Variants in NWD2 observed in about 807,000 individuals in gnomAD.
NWD2 encodes NACHT and WD repeat domain containing 2.
Under a neutral mutation model 132.7 loss-of-function variants are expected in NWD2, and 37 were observed. That is an observed-to-expected ratio of 0.28 (90% CI 0.21 to 0.37). The LOEUF is 0.37. Ranked by LOEUF, NWD2 falls within the 10% of genes least tolerant of loss-of-function variation. NWD2 has a pLI of 1.00. For synonymous variants in NWD2, 705 were observed against 803.0 expected (o/e 0.88, Z 2.06); for missense variants, 1,592 against 2,122.4 (o/e 0.75, Z 4.91).
At chr4:37,366,207 A>G (rs1169340446) in intron 3 of NWD2, among the ~76,000 whole-genome samples, 1 of 152,164 alleles carries the variant, frequency 6.6e-6, no homozygotes, top group Non-Finnish European at 1.5e-5. Context: ...CTCCAATAAT[A>G]TCTTGGTGTA....
At chr4:37,429,537 A>G (rs1393712368) in intron 3 of NWD2, among the ~76,000 whole-genome samples, 3 of 151,972 alleles carry the variant, frequency 2.0e-5, no homozygotes, top group African/African-American at 7.3e-5. Context: ...GCTGGTCTTG[A>G]GCTCCTGGCC....
chr4:37,311,057 A>C (rs1718831148), intron 1 of NWD2, among the ~76,000 whole-genome samples: 1 of 151,948 alleles, frequency 6.6e-6, no homozygotes, highest in African/African-American at 2.4e-5. Context: ...GGTTGGTTCC[A>C]AGTCTTTGCT....
intron 1 of NWD2, among the ~76,000 whole-genome samples, chr4:37,295,121 T>C (rs561714606): frequency 9.2e-5 from 14 of 152,152 alleles, no homozygotes; most frequent in East Asian, 5.8e-4. Flanking sequence ...CTTTTCTCTA[T>C]AGCTCTCTGC....
chr4:37,316,376 T>G (rs543785687), intron 1 of NWD2, among the ~76,000 whole-genome samples: 28 of 152,222 alleles, frequency 1.8e-4, no homozygotes, highest in South Asian at 1.0e-3. Context: ...TTCCCTTATA[T>G]GTGATAATTT....
chr4:37,445,427 TTTC>T lies in NWD2; in HGVS notation c.3445_3447del (p.Leu1149del), dbSNP rs1560257958. On this transcript the variant is annotated inframe_deletion, in exon 7 of 7. Transcript: ENST00000309447. This position sits in a 1 kb window ranked among gnomAD's most constrained non-coding sequence, Gnocchi z 4.7. ...AGAATTTTCAGGTGGATTTGTGAAG[TTTC>T]TTCTTATCTTGGACACAGCTCAGGA... 2 of 1,551,848 alleles carry T rather than the reference TTTC, an allele frequency of 1.3e-6. No individual in the cohort carries two copies. Among genetic ancestry groups the T allele is most frequent in the Non-Finnish European group, 8.7e-7 (1 of 1,147,016 alleles).
At chr4:37,313,801 T>A (rs1023608950) in intron 1 of NWD2, among the ~76,000 whole-genome samples, 1 of 150,924 alleles carries the variant, frequency 6.6e-6, no homozygotes, top group Non-Finnish European at 1.5e-5. Flanking sequence ...CGGGTTCAAG[T>A]GATTCTGCTG....
At chr4:37,433,848 C>G in intron 4 of NWD2, 28 bp from the exon 5 acceptor site, 2 of 1,488,958 alleles carry the variant, frequency 1.3e-6, no homozygotes, top group South Asian at 1.4e-5. Context: ...GATTGTAAGA[C>G]TAATTTCTCC....
At chr4:37,363,913 G>A (rs1432776533) in intron 3 of NWD2, among the ~76,000 whole-genome samples, 1 of 151,932 alleles carries the variant, frequency 6.6e-6, no homozygotes, top group Admixed American at 6.6e-5. Context: ...CATGAGGTCA[G>A]GAGTTCAAGA....
At chr4:37,298,666 T>C (rs1419170560) in intron 1 of NWD2, among the ~76,000 whole-genome samples, 3 of 152,042 alleles carry the variant, frequency 2.0e-5, no homozygotes, top group Non-Finnish European at 2.9e-5. Flanking sequence ...AAACAGAAAA[T>C]CATTATTTGA....
chr4:37,328,649 G>A (rs1215105828), intron 2 of NWD2, among the ~76,000 whole-genome samples: 1 of 152,064 alleles, frequency 6.6e-6, no homozygotes, highest in Non-Finnish European at 1.5e-5. Context: ...TGTCATTGAT[G>A]GGCATTTGGG....
intron 1 of NWD2, among the ~76,000 whole-genome samples, chr4:37,259,761 C>T (rs771988874): frequency 7.2e-5 from 11 of 152,138 alleles, no homozygotes; most frequent in Non-Finnish European, 1.0e-4. Flanking sequence ...CCCAACCAGC[C>T]GCAATCCATG....
At chr4:37,382,948 C>T (rs1200735498) in intron 3 of NWD2, among the ~76,000 whole-genome samples, 1 of 152,046 alleles carries the variant, frequency 6.6e-6, no homozygotes, top group African/African-American at 2.4e-5. Flanking sequence ...CCCACCTTGA[C>T]CTCCCAAAGT....
chr4:37,306,589 T>C (rs73240362), intron 1 of NWD2, among the ~76,000 whole-genome samples: 23,568 of 152,256 alleles, frequency 0.15, 2,342 homozygotes, highest in South Asian at 0.33. Context: ...TTAATTTCCA[T>C]GTATTTGTAC....
intron 1 of NWD2, among the ~76,000 whole-genome samples, chr4:37,299,416 T>G (rs1350453287): frequency 6.6e-6 from 1 of 152,160 alleles, no homozygotes; most frequent in Non-Finnish European, 1.5e-5. Context: ...TCTGCTGTAC[T>G]CTATATCTGA....
chr4:37,367,067 A>AT (rs1177116942), intron 3 of NWD2, among the ~76,000 whole-genome samples: 1 of 152,204 alleles, frequency 6.6e-6, no homozygotes, highest in Non-Finnish European at 1.5e-5. Flanking sequence ...GCAAAGGATG[A>AT]TCCATCCATA....
chr4:37,379,667 C>T (rs1328886971), intron 3 of NWD2, among the ~76,000 whole-genome samples: 1 of 152,164 alleles, frequency 6.6e-6, no homozygotes, highest in African/African-American at 2.4e-5. Flanking sequence ...AACCCGAGGC[C>T]TCCTGACTGC....
chr4:37,382,252 C>A (rs1052698983), intron 3 of NWD2, among the ~76,000 whole-genome samples: 1 of 152,176 alleles, frequency 6.6e-6, no homozygotes, highest in Non-Finnish European at 1.5e-5. Context: ...AGGAAAGTCC[C>A]GGTTTCCACC....
At chr4:37,304,703 A>G (rs576712296) in intron 1 of NWD2, among the ~76,000 whole-genome samples, 1 of 152,308 alleles carries the variant, frequency 6.6e-6, no homozygotes, top group East Asian at 1.9e-4. Context: ...CCCAGGCCAC[A>G]CCGATGCAAG....
intron 2 of NWD2, among the ~76,000 whole-genome samples, chr4:37,354,406 A>G (rs1719828967): frequency 6.6e-6 from 1 of 152,166 alleles, no homozygotes; most frequent in Non-Finnish European, 1.5e-5. Context: ...TTCAGAGCCG[A>G]TAGGCAGGAA....
Sources: allele counts gnomAD v4.1 joint callset (sites outside exome capture counted in the v4.1 genomes callset), GRCh38; gene constraint gnomAD v4.1.1; non-coding constraint Gnocchi (gnomAD v3.1); transcripts MANE v1.5; gene names NCBI Gene and HGNC (gene_info 2026-07-23, HGNC 2026-07-21).